Variants in EPM2A observed in about 807,000 individuals in gnomAD.
The protein encoded by EPM2A is laforin.
A neutral mutation model predicts 26.5 loss-of-function variants in EPM2A; 21 were observed. The observed-to-expected ratio is 0.79, with a 90% CI of 0.56 to 1.14. EPM2A has a LOEUF of 1.14. Ranked by LOEUF, EPM2A falls within the 50% of genes most tolerant of loss-of-function variation. EPM2A has a pLI of 0.00. For missense variants in EPM2A, 458 were observed against 440.8 expected, an observed-to-expected ratio of 1.04 and a Z score of -0.35; for synonymous variants, 217 against 177.6, an observed-to-expected ratio of 1.22 and a Z score of -1.76.
At chr6:145,690,585 A>T (rs1781219579) in intron 1 of EPM2A, among the ~76,000 whole-genome samples, 1 of 151,592 alleles carries the variant, frequency 6.6e-6, no homozygotes. Context: ...TCTAGGTTTC[A>T]ATAGAATGTT....
intron 4 of EPM2A, among the ~76,000 whole-genome samples, chr6:145,398,284 T>C (rs1308095517): frequency 6.6e-6 from 1 of 152,174 alleles, no homozygotes; most frequent in Non-Finnish European, 1.5e-5. Context: ...TGCTCTGTTA[T>C]CTCAAAGACA....
intron 2 of EPM2A, chr6:145,684,803 A>T (rs1222670449): frequency 1.2e-5 from 1 of 86,908 alleles, no homozygotes; most frequent in Admixed American, 1.4e-4. Flanking sequence ...TGGCAACACC[A>T]TTACAGTAGC....
chr6:145,558,142 A>G (rs1378083895), intron 2 of EPM2A, among the ~76,000 whole-genome samples: 1 of 152,086 alleles, frequency 6.6e-6, no homozygotes, highest in Non-Finnish European at 1.5e-5. Context: ...TTATTTATAT[A>G]TACTACATTT....
intron 2 of EPM2A, among the ~76,000 whole-genome samples, chr6:145,555,398 T>G (rs1582849444): frequency 1.3e-5 from 2 of 152,120 alleles, no homozygotes; most frequent in South Asian, 2.1e-4. Context: ...GTAATCTAAC[T>G]CTAACATGGC....
intron 1 of EPM2A, among the ~76,000 whole-genome samples, chr6:145,724,517 G>A (rs991755063): frequency 1.3e-5 from 2 of 151,998 alleles, no homozygotes; most frequent in Admixed American, 6.6e-5. Context: ...AATCTAAAAA[G>A]TATTTTGAAA....
rs188708179 is a variant in EPM2A at position 145,490,914 on chromosome 6, T to C, written c.555+11608A>G. 1,588 of 734,268 alleles carry C rather than the reference T, an allele frequency of 2.2e-3. 26 individuals are homozygous for C. The highest frequency in any genetic ancestry group is 3.1e-3 in the South Asian group (231 of 75,264). The allele number at this position is 734,268 out of a possible 1,614,324, so 45.5% of individuals were successfully genotyped here. A position where few individuals can be genotyped will look rare whatever the true frequency, so the allele number is the denominator to read the frequency against. ...GCCAACAGTGCTAGAGCAGAATCAT[T>C]AGAGGAACTTGTGTTCTGTGTGTAC... On this transcript the variant is annotated intron_variant, in intron 4 of 4. Coordinates refer to the EPM2A transcript ENST00000638717.
chr6:145,470,528 A>C (rs1779460186), intron 4 of EPM2A, among the ~76,000 whole-genome samples: 1 of 152,058 alleles, frequency 6.6e-6, no homozygotes, highest in African/African-American at 2.4e-5. Context: ...ATTTATTTTT[A>C]TATTTGCCAT....
intron 4 of EPM2A, among the ~76,000 whole-genome samples, chr6:145,409,569 T>C (rs879846603): frequency 2.6e-5 from 4 of 152,214 alleles, no homozygotes; most frequent in Non-Finnish European, 4.4e-5. Flanking sequence ...GAGCAAATTA[T>C]ACACCACTAT....
intron 4 of EPM2A, among the ~76,000 whole-genome samples, chr6:145,444,098 A>G (rs1435101715): frequency 6.6e-6 from 1 of 152,132 alleles, no homozygotes; most frequent in East Asian, 1.9e-4. Context: ...GATGTCTTTT[A>G]TTATATTTCT....
At chr6:145,689,183 TAA>T (rs887103722) in intron 1 of EPM2A, among the ~76,000 whole-genome samples, 6 of 152,252 alleles carry the variant, frequency 3.9e-5, no homozygotes, top group African/African-American at 1.4e-4. Flanking sequence ...GCAACATTTT[TAA>T]AAGTCTTTCA....
intron 4 of EPM2A, among the ~76,000 whole-genome samples, chr6:145,401,697 G>A (rs2114667203): frequency 6.6e-6 from 1 of 152,196 alleles, no homozygotes; most frequent in East Asian, 1.9e-4. Flanking sequence ...TTCATTAATG[G>A]ACATTGCTTT....
intron 2 of EPM2A, among the ~76,000 whole-genome samples, chr6:145,569,643 T>C (rs1353408616): frequency 6.6e-6 from 1 of 152,234 alleles, no homozygotes; most frequent in Non-Finnish European, 1.5e-5. Flanking sequence ...TGCATAGCAA[T>C]AATTGTTTAT....
At chr6:145,671,284 C>T in intron 2 of EPM2A, 1 of 1,049,128 alleles carries the variant, frequency 9.5e-7, no homozygotes, top group South Asian at 3.1e-5. Flanking sequence ...TGTGTATTTC[C>T]AAATATAGCT....
At position 145,723,895 on chromosome 6, in the gene EPM2A, G is replaced by A. The variant is rs573298715; in HGVS notation, c.301+11303C>T. ...TTTGGCTGCATGTCAATCTGTGGAT[G>A]CATAACGTAAACTTTGACAGAGTCA... On this transcript the variant is annotated intron_variant, in intron 1 of 3. Transcript: ENST00000367519. 2.0e-5 allele frequency among the ~76,000 whole-genome samples: 3 copies of A among 152,256 alleles called. No homozygotes were observed. The South Asian group carries it at 6.2e-4, about 32-fold the overall frequency.
chr6:145,539,130 A>G (rs7760972), intron 2 of EPM2A, among the ~76,000 whole-genome samples: 8,771 of 152,290 alleles, frequency 0.058, 381 homozygotes, highest in East Asian at 0.17. Context: ...TTCCTTCTAC[A>G]CAAACACAGA....
chr6:145,544,155 TG>T (rs1314642415), intron 2 of EPM2A, among the ~76,000 whole-genome samples: 1 of 152,094 alleles, frequency 6.6e-6, no homozygotes, highest in Non-Finnish European at 1.5e-5. Flanking sequence ...CTGAACAGGC[TG>T]AATTGTCTGA....
At chr6:145,723,820 G>A (rs1017325275) in intron 1 of EPM2A, among the ~76,000 whole-genome samples, 2 of 152,086 alleles carry the variant, frequency 1.3e-5, no homozygotes, top group Non-Finnish European at 2.9e-5. Context: ...AGATGAGAAA[G>A]CTATGCAGAC....
chr6:145,733,365 T>C (rs1776607076), intron 1 of EPM2A, among the ~76,000 whole-genome samples: 1 of 152,104 alleles, frequency 6.6e-6, no homozygotes, highest in Non-Finnish European at 1.5e-5. Flanking sequence ...TCATATTTCA[T>C]AACAAGTGTG....
At chr6:145,703,826 A>T (rs1429581368) in intron 1 of EPM2A, among the ~76,000 whole-genome samples, 4 of 152,234 alleles carry the variant, frequency 2.6e-5, no homozygotes, top group Admixed American at 2.0e-4. Flanking sequence ...AAATTCTGAC[A>T]CAAAGTTAAC....
Sources: gnomAD v4.1 joint callset for allele counts (sites outside exome capture counted in the v4.1 genomes callset) on GRCh38, gnomAD v4.1.1 for gene constraint, MANE v1.5 for transcripts, NCBI Gene and HGNC (gene_info 2026-07-23, HGNC 2026-07-21) for gene names.